AP3S1: variants seen among roughly 807,000 people sequenced by gnomAD.
The protein encoded by AP3S1 is adaptor related protein complex 3 subunit sigma 1, also known as AP-3 complex subunit sigma-1.
In AP3S1, 12 loss-of-function variants were observed where a neutral mutation model predicts 21.3. The ratio of observed to expected loss-of-function variants is 0.56; its 90% CI spans 0.36 to 0.91. The LOEUF is 0.91. Ranked by LOEUF, AP3S1 falls within the 40% of genes least tolerant of loss-of-function variation. The pLI is 0.01. For missense variants in AP3S1, 116 were observed against 225.0 expected, an observed-to-expected ratio of 0.52 and a Z score of 3.10; for synonymous variants, 48 against 78.4, an observed-to-expected ratio of 0.61 and a Z score of 2.05.
At chr5:115,874,180 G>T (rs191309588) in intron 3 of AP3S1, among the ~76,000 whole-genome samples, 53 of 151,960 alleles carry the variant, frequency 3.5e-4, no homozygotes, top group African/African-American at 1.1e-3. Context: ...AAAATTCCTT[G>T]TAAGTTTGGA....
chr5:115,906,139 C>G (rs1211058647), intron 5 of AP3S1, among the ~76,000 whole-genome samples: 1 of 152,132 alleles, frequency 6.6e-6, no homozygotes, highest in Non-Finnish European at 1.5e-5. Context: ...GCCTGCGTGA[C>G]AGAGTAAGAC....
intron 1 of AP3S1, among the ~76,000 whole-genome samples, chr5:115,849,653 G>A (rs1224713957): frequency 6.6e-6 from 1 of 152,162 alleles, no homozygotes; most frequent in East Asian, 1.9e-4. Context: ...TTTAAACAGT[G>A]CCTCTGCAGA....
intron 3 of AP3S1, among the ~76,000 whole-genome samples, chr5:115,878,562 G>C (rs1013369190): frequency 6.6e-6 from 1 of 152,134 alleles, no homozygotes; most frequent in African/African-American, 2.4e-5. Context: ...GTGTATACCT[G>C]TTTTGGCACC....
In AP3S1 at chr5:115,877,852, G is replaced by A. The variant is rs184401289; in HGVS notation, c.273+7724G>A. Reference sequence around the variant, plus strand: ...AGCGTTCCTGTTTCTTCACATCCTCGCCAGCATCTGTTGTTTCCTGACTTT... The same window carrying A: ...AGCGTTCCTGTTTCTTCACATCCTCACCAGCATCTGTTGTTTCCTGACTTT... On this transcript the variant is annotated intron_variant, in intron 3 of 5. Coordinates refer to ENST00000316788, the MANE Select transcript of AP3S1 (RefSeq NM_001284.4). Among the ~76,000 whole-genome samples the A allele has an allele frequency of 2.9e-3, 443 of 152,098 alleles. 1 individual carries two copies. Among genetic ancestry groups the A allele is most frequent in the African/African-American group, 0.01 (415 of 41,500 alleles).
At chr5:115,899,335 G>C (rs1751022901) in intron 4 of AP3S1, among the ~76,000 whole-genome samples, 1 of 152,176 alleles carries the variant, frequency 6.6e-6, no homozygotes, top group African/African-American at 2.4e-5. Context: ...TAAGCCAATA[G>C]AAAGAAAGCA....
At chr5:115,867,376 A>G (rs1747777439) in intron 2 of AP3S1, among the ~76,000 whole-genome samples, 1 of 152,158 alleles carries the variant, frequency 6.6e-6, no homozygotes, top group South Asian at 2.1e-4. Context: ...TCAGCTAATC[A>G]ATTTTTCTAT....
intron 1 of AP3S1, among the ~76,000 whole-genome samples, chr5:115,865,507 A>G (rs1763544220): frequency 1.3e-5 from 2 of 152,114 alleles, no homozygotes; most frequent in Non-Finnish European, 2.9e-5. Flanking sequence ...CTAGGAGAGA[A>G]AGTGCTGGTT....
At chr5:115,857,361 A>G (rs1252185958) in intron 1 of AP3S1, among the ~76,000 whole-genome samples, 2 of 152,206 alleles carry the variant, frequency 1.3e-5, no homozygotes, top group African/African-American at 4.8e-5. Flanking sequence ...AGTTCTCACA[A>G]CACCACCATG....
At chr5:115,873,875 T>C (rs755872685) in intron 3 of AP3S1, among the ~76,000 whole-genome samples, 5 of 152,124 alleles carry the variant, frequency 3.3e-5, no homozygotes, top group Non-Finnish European at 7.4e-5. Flanking sequence ...AAACTCAATA[T>C]GTAACTATTA....
chr5:115,865,409 T>C (rs544107776), intron 1 of AP3S1, among the ~76,000 whole-genome samples: 1 of 152,302 alleles, frequency 6.6e-6, no homozygotes, highest in African/African-American at 2.4e-5. Context: ...AACTGCCACA[T>C]TGTTCAAGGG....
intron 3 of AP3S1, among the ~76,000 whole-genome samples, chr5:115,881,097 G>T (rs1232851818): frequency 1.3e-5 from 2 of 151,446 alleles, no homozygotes; most frequent in African/African-American, 4.9e-5. Context: ...GTGTGTCTTT[G>T]CACGTGAAGG....
chr5:115,848,756 A>G (rs1218746604), intron 1 of AP3S1, among the ~76,000 whole-genome samples: 1 of 152,226 alleles, frequency 6.6e-6, no homozygotes, highest in African/African-American at 2.4e-5. Flanking sequence ...TTCTTGTTGT[A>G]TAAAACTGTC....
chr5:115,902,749 T>G, intron 4 of AP3S1, 136 bp from the exon 5 acceptor site: 1 of 558,304 alleles, frequency 1.8e-6, no homozygotes, highest in Non-Finnish European at 3.1e-6. Context: ...AAGTGGATTA[T>G]GAGCCCTTAC....
rs906644988 is a variant in AP3S1, at chr5:115,863,563, T to C, written c.70-3107T>C. 2.6e-5 allele frequency among the ~76,000 whole-genome samples: 4 copies of C among 151,962 alleles called. No homozygotes were observed. In the South Asian group the frequency reaches 6.2e-4, roughly 24 times the overall value. On this transcript the variant is annotated intron_variant, in intron 1 of 5. Transcript: ENST00000316788. The stretch of plus-strand genomic sequence containing the variant: ...TCCAGCCTGGGCAACAGAGGGAGAC[T>C]CCATCTCAAAAAAAAGAAAAGAAAA...
intron 1 of AP3S1, among the ~76,000 whole-genome samples, chr5:115,865,859 C>A (rs112798128): frequency 2.8e-4 from 42 of 152,228 alleles, no homozygotes; most frequent in Admixed American, 1.2e-3. Flanking sequence ...AGTGCAGTGG[C>A]GCGATCTCAG....
chr5:115,878,421 C>G (rs915158916), intron 3 of AP3S1, among the ~76,000 whole-genome samples: 3 of 141,872 alleles, frequency 2.1e-5, no homozygotes, highest in Middle Eastern at 3.6e-3. Flanking sequence ...CTGCATATGG[C>G]TAGCCAGTTT....
chr5:115,883,158 A>T (rs1047066444), intron 3 of AP3S1, among the ~76,000 whole-genome samples: 55 of 152,310 alleles, frequency 3.6e-4, no homozygotes, highest in African/African-American at 1.3e-3. Flanking sequence ...GGATCCACTG[A>T]GTGAGCTAGA....
At chr5:115,908,799 A>G (rs1373256125) in intron 5 of AP3S1, among the ~76,000 whole-genome samples, 1 of 152,184 alleles carries the variant, frequency 6.6e-6, no homozygotes. Flanking sequence ...AAAGCCTATT[A>G]TATATCCCCA....
chr5:115,893,065 A>G (rs1031549890), intron 3 of AP3S1, among the ~76,000 whole-genome samples: 7 of 152,240 alleles, frequency 4.6e-5, no homozygotes, highest in Non-Finnish European at 8.8e-5. Context: ...ATCTGCTTAA[A>G]TTGCTATGTC....
Sources: allele counts gnomAD v4.1 joint callset (sites outside exome capture counted in the v4.1 genomes callset), GRCh38; gene constraint gnomAD v4.1.1; transcripts MANE v1.5; gene names NCBI Gene and HGNC (gene_info 2026-07-23, HGNC 2026-07-21).